TPO: variants seen among roughly 807,000 people sequenced by gnomAD.
TPO encodes the protein thyroid peroxidase.
In TPO, 78 loss-of-function variants were observed where a neutral mutation model predicts 96.9. That is an observed-to-expected ratio of 0.81 (90% CI 0.67 to 0.97). The LOEUF (loss-of-function observed/expected upper bound fraction) is 0.97. TPO is among the 50% of genes least tolerant of loss of function. The probability of loss-of-function intolerance (pLI) is 0.00; values close to 1 mark genes in which losing one functional copy is unlikely to be tolerated. For synonymous variants in TPO, 547 were observed against 538.0 expected (o/e 1.02, Z -0.23); for missense variants, 1,252 against 1,274.8 (o/e 0.98, Z 0.27).
Position 1,433,573 on chromosome 2 carries a change from C to A in TPO, c.315C>A (p.Val105=). ...ETSIQAMKRK[V]NLKTQQSQHP... ...CAATACAAGCGATGAAAAGAAAAGT[C>A]AACCTGAAAACTCAACAATCACAGC... is the stretch of plus-strand genomic sequence containing the variant. Residue 105 remains valine, a synonymous_variant, in exon 4 of 17, where the codon GTC becomes GTA. Coordinates refer to ENST00000329066, the MANE Select transcript of TPO (RefSeq NM_001206744.2). 6.2e-7 allele frequency: 1 copy of A among 1,614,108 alleles called. No homozygotes were observed. Among genetic ancestry groups the A allele is most frequent in the Non-Finnish European group, 8.5e-7 (1 of 1,180,024 alleles).
chr2:1,390,906 A>G (rs981683786), intron 1 of TPO, among the ~76,000 whole-genome samples: 2 of 151,992 alleles, frequency 1.3e-5, no homozygotes, highest in African/African-American at 4.8e-5. Flanking sequence ...ATTTGTTTGC[A>G]TTCTTTGTAG....
Position 1,543,283 on chromosome 2 carries a change from C to T in TPO, c.*809C>T, listed in dbSNP as rs370676761. On this transcript the variant is annotated 3_prime_UTR_variant, in exon 17 of 17. Transcript: ENST00000329066. ...AGTGCTGGGTCCCAGCCCAGGCAGC[C>T]CTCAGCCTCACGCAAGGCAATAGTT... The T allele has an allele frequency of 3.3e-5, 5 of 152,340 alleles. No individual in the cohort carries two copies. The highest frequency in any genetic ancestry group is 1.2e-4 in the African/African-American group (5 of 41,434). 9.4% of individuals were successfully genotyped at this position (152,340 alleles called of 1,614,324 possible).
chr2:1,517,442 G>A (rs953576478), intron 15 of TPO, among the ~76,000 whole-genome samples: 3 of 152,144 alleles, frequency 2.0e-5, no homozygotes, highest in East Asian at 3.9e-4. Context: ...ACTCAGACCC[G>A]CACCTGAGAG....
intron 15 of TPO, among the ~76,000 whole-genome samples, chr2:1,524,018 C>G (rs1355661488): frequency 2.0e-4 from 17 of 85,436 alleles, no homozygotes; most frequent in African/African-American, 7.1e-4. Flanking sequence ...AAATCCCCCC[C>G]ACTCTGTGCA....
At chr2:1,538,868 G>A (rs541615724) in intron 15 of TPO, among the ~76,000 whole-genome samples, 5 of 152,294 alleles carry the variant, frequency 3.3e-5, no homozygotes, top group African/African-American at 4.8e-5. Context: ...GGACGAATGC[G>A]CCTTGCACAT....
intron 5 of TPO, among the ~76,000 whole-genome samples, chr2:1,442,925 ATTT>A: frequency 6.6e-6 from 1 of 152,200 alleles, no homozygotes; most frequent in South Asian, 2.1e-4. Context: ...AAGAGGTGTG[ATTT>A]TTCTTTGAAA....
intron 1 of TPO, 94 bp downstream of exon 1, chr2:1,413,639 A>G (rs1042304923): frequency 1.0e-6 from 1 of 984,726 alleles, no homozygotes; most frequent in African/African-American, 1.7e-5. Context: ...AATTTGGGCC[A>G]TTATAGCAGG....
At chr2:1,468,867 A>G (rs953153613) in intron 7 of TPO, among the ~76,000 whole-genome samples, 9 of 152,234 alleles carry the variant, frequency 5.9e-5, no homozygotes, top group South Asian at 2.1e-4. Context: ...GTCATTAGAC[A>G]TAATCCCAGA....
At chr2:1,424,525 T>C (rs574583959) in intron 3 of TPO, among the ~76,000 whole-genome samples, 3 of 152,282 alleles carry the variant, frequency 2.0e-5, no homozygotes, top group African/African-American at 7.2e-5. Flanking sequence ...TATTTTTGGT[T>C]TACAAATTGC....
chr2:1,422,167 A>G (rs1378476897), intron 2 of TPO, among the ~76,000 whole-genome samples: 1 of 152,244 alleles, frequency 6.6e-6, no homozygotes, highest in Admixed American at 6.5e-5. Flanking sequence ...ACACTGTAAG[A>G]AACTGGGTGG....
At chr2:1,461,369 T>C (rs766100472) in intron 7 of TPO, among the ~76,000 whole-genome samples, 10 of 152,234 alleles carry the variant, frequency 6.6e-5, no homozygotes, top group Admixed American at 2.6e-4. Flanking sequence ...TATTTTCTTC[T>C]GATTTTAAAG....
chr2:1,409,488 G>A (rs537634651), upstream of TPO, among the ~76,000 whole-genome samples: 2 of 152,232 alleles, frequency 1.3e-5, no homozygotes, highest in East Asian at 3.9e-4. Flanking sequence ...TGTAATAAGA[G>A]TTGGAAGATA....
chr2:1,441,655 T>G (rs531333283), intron 5 of TPO, among the ~76,000 whole-genome samples: 1 of 152,264 alleles, frequency 6.6e-6, no homozygotes, highest in African/African-American at 2.4e-5. Context: ...GTTCCTCACC[T>G]GTGTGTTTTT....
At chr2:1,522,676 T>G (rs1191639474) in intron 15 of TPO, among the ~76,000 whole-genome samples, 4 of 152,104 alleles carry the variant, frequency 2.6e-5, no homozygotes, top group African/African-American at 7.2e-5. Context: ...TGTTCAAGTC[T>G]GACACATCGC....
rs750143029 is a variant in TPO, at chr2:1,433,587, A to G, written c.329A>G (p.Gln110Arg). The change falls in exon 4 of 17, where the codon CAA (glutamine) becomes CGA (arginine). Residue 110 changes from glutamine to arginine, a missense_variant. Transcript: ENST00000329066. The stretch of plus-strand genomic sequence containing the variant: ...AAAAGAAAAGTCAACCTGAAAACTC[A>G]ACAATCACAGCATCCAACGGGTAAT... ...AMKRKVNLKTQQSQHPTDALS... is the reference protein window; with the variant it reads ...AMKRKVNLKTRQSQHPTDALS... The G allele has an allele frequency of 6.2e-7, 1 of 1,614,008 alleles. No homozygotes were observed. The highest frequency in any genetic ancestry group is 1.1e-5 in the South Asian group (1 of 91,060).
At chr2:1,503,860 G>A (rs558857752) in intron 13 of TPO, 88 bp from the exon 14 acceptor site, 1 of 1,610,178 alleles carries the variant, frequency 6.2e-7, no homozygotes, top group African/African-American at 1.3e-5. Context: ...CCTCCCCAGA[G>A]AGAAGCACCT....
chr2:1,531,018 C>T (rs1471059706), intron 15 of TPO, among the ~76,000 whole-genome samples: 1 of 126,060 alleles, frequency 7.9e-6, no homozygotes, highest in Non-Finnish European at 1.6e-5. Flanking sequence ...GCAACCTCAC[C>T]CTATCTTTCC....
chr2:1,436,321 C>A lies in TPO; in HGVS notation c.419C>A (p.Pro140Gln), dbSNP rs1259434874. 1 of 1,614,176 alleles carries A rather than the reference C, an allele frequency of 6.2e-7. No homozygotes were observed. ...GGATGTCTCCCTTACATGCTGCCCC[C>A]AAAATGCCCAAACACTTGCCTGGCG... ...MSGCLPYMLP[P>Q]KCPNTCLANK... The change falls in exon 5 of 17, where the codon CCA (proline) becomes CAA (glutamine). Residue 140 changes from proline to glutamine, a missense_variant. Physicochemically the swap from Pro to Gln is moderately conservative, Grantham distance 76. Coordinates refer to ENST00000329066, the MANE Select transcript of TPO (RefSeq NM_001206744.2).
At chr2:1,540,144 T>A (rs1680563891) in intron 15 of TPO, among the ~76,000 whole-genome samples, 1 of 152,042 alleles carries the variant, frequency 6.6e-6, no homozygotes, top group Middle Eastern at 3.2e-3. Context: ...TTCCTCCCCC[T>A]CATCTCCAGG....
Sources: gnomAD v4.1 joint callset for allele counts (sites outside exome capture counted in the v4.1 genomes callset) on GRCh38, gnomAD v4.1.1 for gene constraint, MANE v1.5 for transcripts, NCBI Gene and HGNC (gene_info 2026-07-23, HGNC 2026-07-21) for gene names.